Variants in GPM6B observed in about 807,000 individuals in gnomAD.
The protein encoded by GPM6B is neuronal membrane glycoprotein M6-b.
Under a neutral mutation model 27.2 loss-of-function variants are expected in GPM6B, and 4 were observed. That is an observed-to-expected ratio of 0.15 (90% CI 0.07 to 0.34). The LOEUF (loss-of-function observed/expected upper bound fraction) is 0.34. GPM6B is among the 10% of genes least tolerant of loss of function. GPM6B has a pLI of 1.00. For synonymous variants in GPM6B, 124 were observed against 103.1 expected (o/e 1.20, Z -1.23); for missense variants, 183 against 261.9 (o/e 0.70, Z 2.08).
At chrX:13,801,299 G>A (rs2048917226) in intron 2 of GPM6B, among the ~76,000 whole-genome samples, 1 of 111,951 alleles carries the variant, frequency 8.9e-6, no homozygotes, top group Non-Finnish European at 1.9e-5. Context: ...TTGACAGCCT[G>A]TGAGCAGGGA....
rs1176854753 is a variant in GPM6B, at chrX:13,772,776, G to A, written c.*105C>T. On this transcript the variant is annotated 3_prime_UTR_variant, in exon 8 of 8. Transcript: ENST00000316715. ...GCTTGAGACAGACAGTGAAGTGTTT[G>A]TACATCTACATTAGTTTGGTGGGAT... 7 of 740,236 alleles carry A rather than the reference G, an allele frequency of 9.5e-6. No individual in the cohort carries two copies. The highest frequency in any genetic ancestry group is 2.7e-5 in the Admixed American group (1 of 37,468). 61.0% of individuals were successfully genotyped at this position (740,236 alleles called of 1,213,427 possible).
chrX:13,903,376 G>C (rs1174530208), intron 1 of GPM6B, among the ~76,000 whole-genome samples: 1 of 112,028 alleles, frequency 8.9e-6, no homozygotes, highest in African/African-American at 3.2e-5. Flanking sequence ...TTTTCTTAGA[G>C]TCAGTATATT....
chrX:13,930,110 A>G (rs1921413111), intron 1 of GPM6B, among the ~76,000 whole-genome samples: 1 of 112,066 alleles, frequency 8.9e-6, no homozygotes, highest in South Asian at 3.7e-4. Context: ...CTTTTGGCAG[A>G]TTTTATTTTT....
intron 1 of GPM6B, among the ~76,000 whole-genome samples, chrX:13,877,892 G>A (rs2050055170): frequency 2.2e-5 from 2 of 90,964 alleles, no homozygotes; most frequent in African/African-American, 8.5e-5. Flanking sequence ...CCTAGTTTAA[G>A]TCCTTCTGAC....
chrX:13,784,286 A>G (rs1190065343), intron 3 of GPM6B, among the ~76,000 whole-genome samples: 2 of 112,314 alleles, frequency 1.8e-5, no homozygotes, highest in Admixed American at 1.9e-4. Flanking sequence ...CAGAAGTTTG[A>G]GAGCCACAGA....
chrX:13,816,398 T>C (rs755850764), intron 1 of GPM6B, among the ~76,000 whole-genome samples: 1 of 110,968 alleles, frequency 9.0e-6, no homozygotes, highest in East Asian at 2.8e-4. Context: ...ATAAGAAAAT[T>C]AGAGAATGCC....
rs182694764 is a variant in GPM6B, at chrX:13,855,499, T to A, written c.-197-69691A>T. Reference sequence around the variant, plus strand: ...CACTGCTATATAGAAATCCATTCTATAAATTTGCCACAGTTTATGTATCTA... The same window carrying A: ...CACTGCTATATAGAAATCCATTCTAAAAATTTGCCACAGTTTATGTATCTA... On this transcript the variant is annotated intron_variant, in intron 1 of 6. Transcript: ENST00000398361. Among the ~76,000 whole-genome samples, 629 of 112,498 alleles carry A rather than the reference T, an allele frequency of 5.6e-3. 6 individuals carry two copies. Among genetic ancestry groups the A allele is most frequent in the African/African-American group, 0.019 (588 of 30,977 alleles).
At chrX:13,829,707 T>C (rs1454360172) in intron 1 of GPM6B, among the ~76,000 whole-genome samples, 1 of 110,546 alleles carries the variant, frequency 9.0e-6, no homozygotes, top group African/African-American at 3.3e-5. Flanking sequence ...AAGTTGCAAA[T>C]AAATAAAAGG....
At chrX:13,835,755 T>C (rs1413670421) in intron 1 of GPM6B, among the ~76,000 whole-genome samples, 1 of 112,488 alleles carries the variant, frequency 8.9e-6, no homozygotes, top group East Asian at 2.8e-4. Context: ...GGCACCATCA[T>C]CAGGGTTTTG....
intron 1 of GPM6B, among the ~76,000 whole-genome samples, chrX:13,874,323 T>G (rs776697890): frequency 8.1e-5 from 9 of 111,467 alleles, no homozygotes; most frequent in Non-Finnish European, 1.5e-4. Context: ...TTAGATTCAA[T>G]AAATATTCAC....
chrX:13,869,359 GT>G lies in GPM6B; in HGVS notation c.-198+68967del, dbSNP rs199826065. Among the ~76,000 whole-genome samples the G allele has an allele frequency of 1.1e-3, 109 of 101,094 alleles. 1 individual carries two copies. Among genetic ancestry groups the G allele is most frequent in the Admixed American group, 1.7e-3 (16 of 9,402 alleles). The allele number at this position is 101,094 out of a possible 115,157, so 87.8% of individuals were successfully genotyped here. On this transcript the variant is annotated intron_variant, in intron 1 of 6. Coordinates refer to the GPM6B transcript ENST00000398361. Reference sequence around the variant, plus strand: ...GAGTGACAGCAAATGGATATAGGTTGTTTTTTTTTTTTTTAAAGGGGACAAA... The same window carrying G: ...GAGTGACAGCAAATGGATATAGGTTGTTTTTTTTTTTTTAAAGGGGACAAA...
chrX:13,823,386 G>C (rs1381260982), intron 1 of GPM6B, among the ~76,000 whole-genome samples: 2 of 112,212 alleles, frequency 1.8e-5, no homozygotes, highest in Non-Finnish European at 3.8e-5. Context: ...TTAATCACTT[G>C]TTTATTTAAC....
At chrX:13,877,530 T>C (rs2147008230) in intron 1 of GPM6B, among the ~76,000 whole-genome samples, 1 of 110,143 alleles carries the variant, frequency 9.1e-6, no homozygotes, top group Admixed American at 9.8e-5. Flanking sequence ...ATCTAATATT[T>C]TAAAAAAATG....
intron 2 of GPM6B, among the ~76,000 whole-genome samples, chrX:13,794,283 C>T (rs1162199578): frequency 9.0e-6 from 1 of 110,757 alleles, no homozygotes; most frequent in Non-Finnish European, 1.9e-5. Context: ...CTCCTGGGCT[C>T]AAGCCATCCT....
intron 1 of GPM6B, among the ~76,000 whole-genome samples, chrX:13,919,320 C>T (rs1305795539): frequency 1.8e-5 from 2 of 112,397 alleles, no homozygotes; most frequent in Non-Finnish European, 3.8e-5. Flanking sequence ...GTATGCATTT[C>T]TACATTCTTA....
chrX:13,845,366 A>T (rs1345944662), intron 1 of GPM6B, among the ~76,000 whole-genome samples: 1 of 111,584 alleles, frequency 9.0e-6, no homozygotes, highest in South Asian at 3.7e-4. Context: ...CTTGGGATAA[A>T]TTTGCCAATT....
chrX:13,935,494 GAC>G (rs1921794645), intron 1 of GPM6B, among the ~76,000 whole-genome samples: 1 of 111,304 alleles, frequency 9.0e-6, no homozygotes. Context: ...GTACAGCATG[GAC>G]AGAGTGAGAC....
Position 13,810,149 on chromosome X carries a change from C to G in GPM6B, c.62-2380G>C, listed in dbSNP as rs2049101402. Among the ~76,000 whole-genome samples the G allele has an allele frequency of 2.7e-5, 3 of 110,876 alleles. No homozygotes were observed. In the South Asian group the frequency reaches 1.1e-3, roughly 42 times the overall value. Reference sequence around the variant, plus strand: ...AGAAAGAAAAAAAACCCCCAAAAAACAGATTTAGATTTTTGCTTTACTGTT... The same window carrying G: ...AGAAAGAAAAAAAACCCCCAAAAAAGAGATTTAGATTTTTGCTTTACTGTT... On this transcript the variant is annotated intron_variant, in intron 1 of 7. Coordinates refer to ENST00000316715, the MANE Select transcript of GPM6B (RefSeq NM_001001995.3).
intron 1 of GPM6B, among the ~76,000 whole-genome samples, chrX:13,866,085 C>T (rs925179351): frequency 3.6e-5 from 4 of 111,365 alleles, no homozygotes; most frequent in Non-Finnish European, 7.5e-5. Context: ...GAGGTCAAGC[C>T]GGGCGCAGTG....
Sources: allele counts gnomAD v4.1 joint callset (sites outside exome capture counted in the v4.1 genomes callset), GRCh38; gene constraint gnomAD v4.1.1; transcripts MANE v1.5; gene names NCBI Gene and HGNC (gene_info 2026-07-23, HGNC 2026-07-21).